The following DCP2 variants were observed in gnomAD, a reference collection of about 807,000 sequenced individuals.
DCP2 encodes the protein decapping mRNA 2.
Under a neutral mutation model 56.1 loss-of-function variants are expected in DCP2, and 30 were observed. That is an observed-to-expected ratio of 0.53 (90% CI 0.40 to 0.73). DCP2 has a LOEUF of 0.73. Ranked by LOEUF, DCP2 falls within the 30% of genes least tolerant of loss-of-function variation. The pLI, the probability that DCP2 is intolerant of heterozygous loss-of-function variation, is 0.00. For missense variants in DCP2, 533 were observed against 502.7 expected (o/e 1.06, Z -0.58); for synonymous variants, 197 against 163.3 (o/e 1.21, Z -1.57).
At chr5:112,992,585 C>A in intron 3 of DCP2, 87 bp from the exon 4 acceptor site, 1 of 968,374 alleles carries the variant, frequency 1.0e-6, no homozygotes, top group Non-Finnish European at 1.5e-6. Context: ...ACAGTTACCT[C>A]AAGTAAGGAG....
At chr5:112,993,756 T>G (rs910068431) in intron 4 of DCP2, among the ~76,000 whole-genome samples, 3 of 152,082 alleles carry the variant, frequency 2.0e-5, no homozygotes, top group African/African-American at 7.2e-5. Context: ...TTAAATCCCT[T>G]TTCCCTGAAG....
chr5:113,009,267 A>T (rs974913245), intron 9 of DCP2, among the ~76,000 whole-genome samples: 5 of 152,244 alleles, frequency 3.3e-5, no homozygotes, highest in Non-Finnish European at 7.3e-5. Context: ...AAATACTCTC[A>T]CATTTGTCTA....
intron 4 of DCP2, among the ~76,000 whole-genome samples, chr5:112,997,903 G>A (rs1030978004): frequency 2.6e-5 from 4 of 152,080 alleles, no homozygotes; most frequent in Non-Finnish European, 5.9e-5. Context: ...GTGAGCCACC[G>A]AGCCTGGCCC....
intron 1 of DCP2, among the ~76,000 whole-genome samples, chr5:112,977,320 C>T (rs1747759994): frequency 6.6e-6 from 1 of 152,210 alleles, no homozygotes; most frequent in Admixed American, 6.5e-5. Context: ...CCTCCCTCTC[C>T]CATTGTTTTT....
In DCP2 at chr5:113,013,844, A is replaced by C. The variant is rs1163568003; in HGVS notation, c.*360A>C. 3 of 174,114 alleles carry C rather than the reference A, an allele frequency of 1.7e-5. No individual in the cohort carries two copies. The East Asian group carries it at 4.7e-4, about 27-fold the overall frequency. 10.8% of individuals were successfully genotyped at this position (174,114 alleles called of 1,614,324 possible). A position where few individuals can be genotyped will look rare whatever the true frequency, so the allele number is the denominator to read the frequency against. On this transcript the variant is annotated 3_prime_UTR_variant, in exon 11 of 11. Transcript: ENST00000389063. ...AATGCTCCATCTACCTGTTACAGTG[A>C]TTGCAATAATAGTATATTGGAGTTT...
In DCP2 at chr5:113,016,173, A is replaced by G. The variant is rs1458202465; in HGVS notation, c.*2689A>G. The G allele has an allele frequency of 6.6e-6, 1 of 152,626 alleles. No homozygotes were observed. Among genetic ancestry groups the G allele is most frequent in the Non-Finnish European group, 1.5e-5 (1 of 68,034 alleles). 9.5% of individuals were successfully genotyped at this position (152,626 alleles called of 1,614,324 possible). A position where few individuals can be genotyped will look rare whatever the true frequency, so the allele number is the denominator to read the frequency against. On this transcript the variant is annotated 3_prime_UTR_variant, in exon 11 of 11. Coordinates refer to ENST00000389063, the MANE Select transcript of DCP2 (RefSeq NM_152624.6). Reference sequence around the variant, plus strand: ...ATTGTTTTTGTACCTAACCATTGTAATCCAAAAGATAAGGGTGTGGTTTAC... The same window carrying G: ...ATTGTTTTTGTACCTAACCATTGTAGTCCAAAAGATAAGGGTGTGGTTTAC...
intron 5 of DCP2, 39 bp from the exon 6 acceptor site, chr5:113,001,318 A>G (rs769653680): frequency 6.3e-7 from 1 of 1,598,182 alleles, no homozygotes; most frequent in South Asian, 1.1e-5. Context: ...GCTCCTTGAT[A>G]AAAATTAACT....
chr5:113,010,179 C>T (rs549523413), intron 9 of DCP2, among the ~76,000 whole-genome samples: 29 of 150,250 alleles, frequency 1.9e-4, no homozygotes, highest in African/African-American at 6.9e-4. Context: ...ACTATAGGTG[C>T]GTGGCACCAC....
At chr5:112,989,789 A>G (rs1483573775) in intron 2 of DCP2, among the ~76,000 whole-genome samples, 1 of 152,176 alleles carries the variant, frequency 6.6e-6, no homozygotes, top group East Asian at 1.9e-4. Flanking sequence ...GTGAACAGTG[A>G]ACTGGGGGAA....
At chr5:112,999,586 C>A (rs1177122987) in intron 4 of DCP2, among the ~76,000 whole-genome samples, 3 of 151,282 alleles carry the variant, frequency 2.0e-5, no homozygotes, top group Admixed American at 2.0e-4. Flanking sequence ...TTGGCCTCCC[C>A]TTAGTGCTGG....
intron 1 of DCP2, among the ~76,000 whole-genome samples, chr5:112,985,228 A>G (rs11960194): frequency 0.013 from 2,018 of 152,238 alleles, 52 homozygotes; most frequent in African/African-American, 0.047. Context: ...TGTACATGCA[A>G]TATTAGTGTA....
rs773815539 is a variant in DCP2, at chr5:113,013,495, T to C, written c.*11T>C. 7 of 1,613,582 alleles carry C rather than the reference T, an allele frequency of 4.3e-6. No individual in the cohort carries two copies. The South Asian group carries it at 7.7e-5, about 18-fold the overall frequency. On this transcript the variant is annotated 3_prime_UTR_variant, in exon 11 of 11. Transcript: ENST00000389063. The stretch of plus-strand genomic sequence containing the variant: ...ATCTTGGACCTTTGATAGCAGCACA[T>C]GTATTGTAAATGTCCCAGGATCAGA...
At chr5:113,010,208 T>TA (rs1491304298) in intron 9 of DCP2, among the ~76,000 whole-genome samples, 1 of 76,916 alleles carries the variant, frequency 1.3e-5, no homozygotes, top group East Asian at 3.0e-4. Flanking sequence ...AATTCTTGTA[T>TA]TTTTTTTTTT....
chr5:112,997,479 GAATT>G (rs1270709906), intron 4 of DCP2, among the ~76,000 whole-genome samples: 1 of 152,100 alleles, frequency 6.6e-6, no homozygotes, highest in Non-Finnish European at 1.5e-5. Context: ...TAATTTAATA[GAATT>G]AATACAAAGC....
intron 4 of DCP2, among the ~76,000 whole-genome samples, chr5:112,993,583 C>T (rs1748696646): frequency 6.9e-6 from 1 of 145,120 alleles, no homozygotes; most frequent in South Asian, 2.2e-4. Flanking sequence ...CCGAGATCAC[C>T]ATTGCACTCT....
At position 113,021,541 on chromosome 5, in the gene DCP2, T is replaced by C. The variant is rs1033031508; in HGVS notation, c.*8057T>C. Among the ~76,000 whole-genome samples the C allele has an allele frequency of 6.6e-6, 1 of 152,174 alleles. No homozygotes were observed. Among genetic ancestry groups the C allele is most frequent in the Non-Finnish European group, 1.5e-5 (1 of 68,030 alleles). ...TTAGATATTTAAAATCCAGCAATTC[T>C]TAAGTTTGTGCTAGAATCAGGTTTT... On this transcript the variant is annotated 3_prime_UTR_variant, in exon 11 of 11. Coordinates refer to ENST00000389063, the MANE Select transcript of DCP2 (RefSeq NM_152624.6).
chr5:112,996,953 CT>C (rs1748885510), intron 4 of DCP2, among the ~76,000 whole-genome samples: 1 of 152,150 alleles, frequency 6.6e-6, no homozygotes, highest in Admixed American at 6.5e-5. Flanking sequence ...AGGAGGTAGG[CT>C]TTAAAGACAG....
chr5:113,009,229 T>A (rs1358535088), intron 9 of DCP2, among the ~76,000 whole-genome samples: 1 of 152,248 alleles, frequency 6.6e-6, no homozygotes, highest in East Asian at 1.9e-4. Context: ...AATAAAATTC[T>A]TTGTAGATTT....
At chr5:112,998,445 T>C (rs10059599) in intron 4 of DCP2, among the ~76,000 whole-genome samples, 114,363 of 152,072 alleles carry the variant, frequency 0.75, 43,226 homozygotes, top group African/African-American at 0.82. Context: ...AGTTGGGCAC[T>C]CTCCTCCTAC....
Sources: gnomAD v4.1 joint callset for allele counts (sites outside exome capture counted in the v4.1 genomes callset) on GRCh38, gnomAD v4.1.1 for gene constraint, MANE v1.5 for transcripts, NCBI Gene and HGNC (gene_info 2026-07-23, HGNC 2026-07-21) for gene names.